AKT3: variants seen among roughly 807,000 people sequenced by gnomAD.
The protein encoded by AKT3 is RAC-gamma serine/threonine-protein kinase.
In AKT3, 15 loss-of-function variants were observed where a neutral mutation model predicts 65.3. The observed-to-expected ratio is 0.23, with a 90% CI of 0.15 to 0.35. The LOEUF (loss-of-function observed/expected upper bound fraction) is 0.35. Among genes scored for constraint, AKT3 ranks in the 10% least tolerant of loss-of-function variants. The pLI, the probability that AKT3 is intolerant of heterozygous loss-of-function variation, is 1.00. For synonymous variants in AKT3, 206 were observed against 183.8 expected (o/e 1.12, Z -0.98); for missense variants, 243 against 576.5 (o/e 0.42, Z 5.92).
chr1:243,498,560 G>A (rs887474918), downstream of AKT3, among the ~76,000 whole-genome samples: 1 of 152,194 alleles, frequency 6.6e-6, no homozygotes, highest in African/African-American at 2.4e-5. Flanking sequence ...TCACAGACCT[G>A]TTCAAGAAAA....
chr1:243,744,277 GAC>G (rs1015740208), intron 2 of AKT3, among the ~76,000 whole-genome samples: 5 of 152,134 alleles, frequency 3.3e-5, no homozygotes, highest in African/African-American at 1.2e-4. Context: ...TGCTTGGTGG[GAC>G]ATAGTGACTG....
intron 2 of AKT3, among the ~76,000 whole-genome samples, chr1:243,704,549 A>T (rs1283533277): frequency 6.6e-6 from 1 of 152,264 alleles, no homozygotes; most frequent in Non-Finnish European, 1.5e-5. Flanking sequence ...TCTAAATAGC[A>T]TCTCATGTGG....
chr1:243,828,560 T>C (rs1039005031), intron 2 of AKT3, among the ~76,000 whole-genome samples: 3 of 152,184 alleles, frequency 2.0e-5, no homozygotes, highest in Non-Finnish European at 4.4e-5. Flanking sequence ...CTCAGCCTAC[T>C]TGACTTGAAG....
At chr1:243,772,541 G>A (rs1476644622) in intron 2 of AKT3, among the ~76,000 whole-genome samples, 1 of 152,158 alleles carries the variant, frequency 6.6e-6, no homozygotes, top group South Asian at 2.1e-4. Flanking sequence ...GAAACAACAG[G>A]TGCTGGAGAG....
At chr1:243,549,941 C>A (rs542956167) in intron 11 of AKT3, among the ~76,000 whole-genome samples, 1 of 152,214 alleles carries the variant, frequency 6.6e-6, no homozygotes, top group Admixed American at 6.5e-5. Flanking sequence ...GCTTCATTTC[C>A]CAGTGTTACC....
intron 2 of AKT3, among the ~76,000 whole-genome samples, chr1:243,794,578 G>C (rs913604645): frequency 6.6e-6 from 1 of 152,192 alleles, no homozygotes; most frequent in Admixed American, 6.5e-5. Context: ...CAACCCTGCT[G>C]TCAGTGCCAC....
chr1:243,617,569 T>A (rs1441082510), intron 6 of AKT3, among the ~76,000 whole-genome samples: 1 of 152,124 alleles, frequency 6.6e-6, no homozygotes, highest in Non-Finnish European at 1.5e-5. Flanking sequence ...TAATTACTCT[T>A]TCTGATAAGT....
intron 2 of AKT3, among the ~76,000 whole-genome samples, chr1:243,834,684 C>A (rs554497387): frequency 2.6e-5 from 4 of 151,166 alleles, no homozygotes; most frequent in African/African-American, 4.9e-5. Context: ...CCCCTCAACA[C>A]GCAATTTACC....
chr1:243,602,590 A>G (rs749320441), intron 8 of AKT3, among the ~76,000 whole-genome samples: 3 of 152,202 alleles, frequency 2.0e-5, no homozygotes, highest in Non-Finnish European at 2.9e-5. Context: ...TTAAAATGAG[A>G]TAATTTTGGT....
intron 2 of AKT3, among the ~76,000 whole-genome samples, chr1:243,795,475 G>GTTTTTT (rs369512939): frequency 1.1e-5 from 1 of 88,016 alleles, no homozygotes. Flanking sequence ...TTTTTTTTTT[G>GTTTTTT]GTTTTTTTTT....
chr1:243,528,463 C>CAG (rs1226359330), intron 12 of AKT3, among the ~76,000 whole-genome samples: 2 of 152,098 alleles, frequency 1.3e-5, no homozygotes, highest in African/African-American at 4.8e-5. Flanking sequence ...TTTTGATCTT[C>CAG]ACCTTCCTCC....
intron 8 of AKT3, among the ~76,000 whole-genome samples, chr1:243,579,794 A>T (rs1250148813): frequency 2.0e-5 from 3 of 152,242 alleles, no homozygotes; most frequent in African/African-American, 7.2e-5. Flanking sequence ...AGGTTATAAA[A>T]ATTTAATACA....
At chr1:243,659,699 G>T (rs1277775938) in intron 4 of AKT3, among the ~76,000 whole-genome samples, 1 of 152,130 alleles carries the variant, frequency 6.6e-6, no homozygotes, top group African/African-American at 2.4e-5. Flanking sequence ...AAAAAATAGA[G>T]TCCACCCTTA....
chr1:243,806,497 C>T (rs1203713514), intron 2 of AKT3, among the ~76,000 whole-genome samples: 1 of 152,128 alleles, frequency 6.6e-6, no homozygotes, highest in Non-Finnish European at 1.5e-5. Flanking sequence ...ACTGACTACA[C>T]CAGTCATTTA....
chr1:243,834,569 G>C (rs985857073), intron 2 of AKT3, among the ~76,000 whole-genome samples: 1 of 152,136 alleles, frequency 6.6e-6, no homozygotes, highest in Non-Finnish European at 1.5e-5. Context: ...TATACACTGA[G>C]AGTGTATTTT....
chr1:243,747,631 A>G (rs1002251384), intron 2 of AKT3, among the ~76,000 whole-genome samples: 3 of 152,216 alleles, frequency 2.0e-5, no homozygotes, highest in East Asian at 1.9e-4. Context: ...GATATCTTCA[A>G]TGAACAGACC....
chr1:243,651,983 G>A (rs1681373688), intron 4 of AKT3, among the ~76,000 whole-genome samples: 1 of 151,866 alleles, frequency 6.6e-6, no homozygotes, highest in Non-Finnish European at 1.5e-5. Context: ...GGATCTCTCT[G>A]CAGAAACCCT....
intron 2 of AKT3, among the ~76,000 whole-genome samples, chr1:243,803,684 ACACACACAT>A (rs1320399740): frequency 1.4e-5 from 2 of 146,460 alleles, no homozygotes; most frequent in African/African-American, 2.7e-5. Context: ...ACACACACAC[ACACACACAT>A]AAGACTGAAA....
rs543309637 is a variant in AKT3, at chr1:243,619,594, C to T, written c.562-4433G>A. Among the ~76,000 whole-genome samples the T allele has an allele frequency of 8.1e-5, 8 of 98,918 alleles. 2 individuals are homozygous for T. Among genetic ancestry groups the T allele is most frequent in the African/African-American group, 2.1e-4 (8 of 38,410 alleles). 64.9% of individuals were successfully genotyped at this position (98,918 alleles called of 152,430 possible). A position where few individuals can be genotyped will look rare whatever the true frequency, so the allele number is the denominator to read the frequency against. ...GCTCCCACATAAGAACAAAAATGTG[C>T]AATATTTGTCTTTCTGTGCCTGGCT... On this transcript the variant is annotated intron_variant, in intron 6 of 13. Coordinates refer to ENST00000673466, the MANE Select transcript of AKT3 (RefSeq NM_005465.7).
Sources: gnomAD v4.1 joint callset for allele counts (sites outside exome capture counted in the v4.1 genomes callset) on GRCh38, gnomAD v4.1.1 for gene constraint, MANE v1.5 for transcripts, NCBI Gene and HGNC (gene_info 2026-07-23, HGNC 2026-07-21) for gene names.